DLG2: variants seen among roughly 807,000 people sequenced by gnomAD.
DLG2 encodes the protein disks large homolog 2.
Under a neutral mutation model 132.5 loss-of-function variants are expected in DLG2, and 45 were observed. That is an observed-to-expected ratio of 0.34 (90% CI 0.27 to 0.44). DLG2 has a LOEUF of 0.44. Among genes scored for constraint, DLG2 ranks in the 20% least tolerant of loss-of-function variants. The probability of loss-of-function intolerance (pLI) is 1.00; values close to 1 mark genes in which losing one functional copy is unlikely to be tolerated. For synonymous variants in DLG2, 424 were observed against 419.6 expected (o/e 1.01, Z -0.13); for missense variants, 1,045 against 1,196.9 (o/e 0.87, Z 1.87).
chr11:84,085,506 T>A (rs1284067899), intron 10 of DLG2, among the ~76,000 whole-genome samples: 1 of 152,174 alleles, frequency 6.6e-6, no homozygotes, highest in Non-Finnish European at 1.5e-5. Flanking sequence ...CTGGCCATGA[T>A]AATAGCATTC....
At chr11:83,526,320 T>C (rs183195047) in intron 21 of DLG2, among the ~76,000 whole-genome samples, 66 of 152,358 alleles carry the variant, frequency 4.3e-4, no homozygotes, top group African/African-American at 1.5e-3. Flanking sequence ...CCCAGAATAC[T>C]GTAATAGCTT....
chr11:84,889,052 T>A (rs1288676463), intron 6 of DLG2, among the ~76,000 whole-genome samples: 1 of 152,178 alleles, frequency 6.6e-6, no homozygotes, highest in East Asian at 1.9e-4. Flanking sequence ...AAGGCCTCAA[T>A]AATCTCAATT....
chr11:84,879,464 G>T (rs149883100), intron 6 of DLG2, among the ~76,000 whole-genome samples: 60 of 152,272 alleles, frequency 3.9e-4, no homozygotes, highest in African/African-American at 1.4e-3. Flanking sequence ...TCAGGACAGA[G>T]TGGTTAGCAG....
chr11:83,745,395 CCTGT>C (rs766121600), intron 18 of DLG2, among the ~76,000 whole-genome samples: 12 of 152,152 alleles, frequency 7.9e-5, no homozygotes, highest in Non-Finnish European at 1.6e-4. Context: ...TCAAAACCTC[CCTGT>C]CTCTTTCAAG....
chr11:85,419,901 T>A lies in DLG2; in HGVS notation c.41-134536A>T, dbSNP rs186836913. On this transcript the variant is annotated intron_variant, in intron 3 of 27. Transcript: ENST00000376104. The stretch of plus-strand genomic sequence containing the variant: ...CATGCTCCTTTAGCTAGGAGGAGTT[T>A]GTTATTACCCACATTCTGAAGTCTA... Among the ~76,000 whole-genome samples, 19 of 152,348 alleles carry A rather than the reference T, an allele frequency of 1.2e-4. No individual in the cohort carries two copies. In the East Asian group the frequency reaches 3.3e-3, roughly 26 times the overall value.
chr11:83,554,925 T>C (rs80330651), intron 19 of DLG2, among the ~76,000 whole-genome samples: 3,273 of 152,310 alleles, frequency 0.021, 125 homozygotes, highest in African/African-American at 0.074. Flanking sequence ...GGGGATACAG[T>C]GTGAATAACA....
intron 5 of DLG2, among the ~76,000 whole-genome samples, chr11:85,153,648 C>T (rs1207214348): frequency 1.3e-5 from 2 of 151,968 alleles, no homozygotes; most frequent in African/African-American, 2.4e-5. Context: ...AAGAAAGAAA[C>T]CATATTAAAT....
chr11:85,112,078 G>A (rs1183369844), intron 5 of DLG2, among the ~76,000 whole-genome samples: 2 of 152,008 alleles, frequency 1.3e-5, no homozygotes, highest in African/African-American at 4.8e-5. Context: ...CCTGAAACAT[G>A]CTGTACTCCT....
chr11:83,993,333 A>G (rs1259402196), intron 11 of DLG2, among the ~76,000 whole-genome samples: 3 of 152,178 alleles, frequency 2.0e-5, no homozygotes, highest in African/African-American at 7.2e-5. Flanking sequence ...TCCTACATTA[A>G]GAAAGATATG....
intron 6 of DLG2, among the ~76,000 whole-genome samples, chr11:84,598,407 G>A (rs2099568505): frequency 6.6e-6 from 1 of 152,166 alleles, no homozygotes. Flanking sequence ...ATTTTCTAAA[G>A]TACCCAAGGT....
At chr11:83,818,033 G>GT (rs1438946537) in intron 17 of DLG2, among the ~76,000 whole-genome samples, 2 of 152,146 alleles carry the variant, frequency 1.3e-5, no homozygotes, top group Non-Finnish European at 2.9e-5. Context: ...ATTGGAGCTG[G>GT]AAGGGCCTTT....
At chr11:84,509,030 T>G (rs2099250072) in intron 7 of DLG2, among the ~76,000 whole-genome samples, 1 of 152,172 alleles carries the variant, frequency 6.6e-6, no homozygotes, top group South Asian at 2.1e-4. Flanking sequence ...AACACAAGAA[T>G]TGGAAATCTC....
At position 84,267,392 on chromosome 11, in the gene DLG2, C is replaced by T. The variant is rs192716430; in HGVS notation, c.520-16101G>A. 2.6e-3 allele frequency among the ~76,000 whole-genome samples: 401 copies of T among 152,284 alleles called. 2 individuals are homozygous for T. The highest frequency in any genetic ancestry group is 9.2e-3 in the African/African-American group (384 of 41,558). On this transcript the variant is annotated intron_variant, in intron 7 of 27. Coordinates refer to ENST00000376104, the MANE Select transcript of DLG2 (RefSeq NM_001142699.3). ...GGAGTTAAGTCCTGAAGGATACAAC[C>T]TTACTTTGAAGACCACTGTCCTCAG... is the stretch of plus-strand genomic sequence containing the variant.
In DLG2 at chr11:84,910,111, G is replaced by A. The variant is rs1014648400; in HGVS notation, c.357+201550C>T. Among the ~76,000 whole-genome samples, 4 of 152,302 alleles carry A rather than the reference G, an allele frequency of 2.6e-5. No individual in the cohort carries two copies. The Middle Eastern group carries it at 0.01, about 389-fold the overall frequency. ...GGAAGGAAGGGAGGAAATTGGAGGT[G>A]GGCAGCAGATCTTCCTAATGAGAAT... is the stretch of plus-strand genomic sequence containing the variant. On this transcript the variant is annotated intron_variant, in intron 6 of 27. Coordinates refer to ENST00000376104, the MANE Select transcript of DLG2 (RefSeq NM_001142699.3).
chr11:83,466,666 A>G (rs773186747), intron 26 of DLG2, 42 bp downstream of exon 26: 16 of 1,120,090 alleles, frequency 1.4e-5, no homozygotes, highest in Non-Finnish European at 2.2e-5. Context: ...AATACAGAAC[A>G]GGGAGTCAGT....
chr11:84,309,388 A>G (rs2098265120), intron 7 of DLG2, among the ~76,000 whole-genome samples: 1 of 152,184 alleles, frequency 6.6e-6, no homozygotes, highest in Admixed American at 6.5e-5. Flanking sequence ...TCTACATATG[A>G]GCACAGAAGG....
intron 6 of DLG2, among the ~76,000 whole-genome samples, chr11:84,616,036 C>A (rs1001771438): frequency 1.3e-5 from 2 of 151,712 alleles, no homozygotes; most frequent in Admixed American, 6.6e-5. Flanking sequence ...TATCTTATTA[C>A]AAATGACAAA....
rs71465017 is a variant in DLG2 at position 84,961,526 on chromosome 11, TTGTGTGTGTGTG to T, written c.357+150123_357+150134del. Among the ~76,000 whole-genome samples the T allele has an allele frequency of 1.3e-3, 185 of 143,872 alleles. 2 individuals carry two copies. Among genetic ancestry groups the T allele is most frequent in the South Asian group, 8.5e-3 (37 of 4,358 alleles). 94.4% of individuals were successfully genotyped at this position (143,872 alleles called of 152,430 possible). On this transcript the variant is annotated intron_variant, in intron 6 of 27. Transcript: ENST00000376104. ...AAGTTATATCCTAAGAATTGTATCTTTGTGTGTGTGTGTGTGTGTGTGTGTGTGTGTGTGTGT... is the reference window on the plus strand; with the variant it reads ...AAGTTATATCCTAAGAATTGTATCTTTGTGTGTGTGTGTGTGTGTGTGTGT...
intron 3 of DLG2, among the ~76,000 whole-genome samples, chr11:85,559,276 C>T (rs774595580): frequency 1.1e-4 from 16 of 150,746 alleles, no homozygotes; most frequent in Admixed American, 4.6e-4. Context: ...CTCAGCCTCC[C>T]GAGTACCTGG....
Sources: allele counts gnomAD v4.1 joint callset (sites outside exome capture counted in the v4.1 genomes callset), GRCh38; gene constraint gnomAD v4.1.1; transcripts MANE v1.5; gene names NCBI Gene and HGNC (gene_info 2026-07-23, HGNC 2026-07-21).